DEPDC5: variants seen among roughly 807,000 people sequenced by gnomAD.
DEPDC5 encodes the protein GATOR1 complex protein DEPDC5.
In DEPDC5, 73 loss-of-function variants were observed where a neutral mutation model predicts 217.3. The observed-to-expected ratio is 0.34, with a 90% confidence interval of 0.28 to 0.41. The LOEUF is 0.41. Among genes scored for constraint, DEPDC5 ranks in the 10% least tolerant of loss-of-function variants. The pLI, the probability that DEPDC5 is intolerant of heterozygous loss-of-function variation, is 1.00. For missense variants in DEPDC5, 1,675 were observed against 2,070.1 expected, an observed-to-expected ratio of 0.81 and a Z score of 3.70; for synonymous variants, 733 against 756.7, an observed-to-expected ratio of 0.97 and a Z score of 0.51.
chr22:31,873,861 C>T, intron 35 of DEPDC5: 1 of 204,914 alleles, frequency 4.9e-6, no homozygotes, highest in Non-Finnish European at 9.6e-6. Flanking sequence ...GGCACGATCT[C>T]AGCTCACTGC....
intron 3 of DEPDC5, 93 bp downstream of exon 3, chr22:31,758,726 A>C: frequency 8.3e-7 from 1 of 1,211,126 alleles, no homozygotes; most frequent in South Asian, 1.2e-5. Context: ...CAAAATGCTC[A>C]TGCTGTGATG....
chr22:31,793,180 T>G (rs1051109430), intron 12 of DEPDC5, among the ~76,000 whole-genome samples: 2 of 152,214 alleles, frequency 1.3e-5, no homozygotes, highest in Admixed American at 1.3e-4. Flanking sequence ...TGGTCTTTGC[T>G]CTGTTTCCTC....
At chr22:31,834,338 TG>T (rs2090831668) in intron 25 of DEPDC5, 1 of 233,358 alleles carries the variant, frequency 4.3e-6, no homozygotes, top group Non-Finnish European at 8.5e-6. Flanking sequence ...ATCATTTACC[TG>T]CCTGTAGTTG....
intron 34 of DEPDC5, among the ~76,000 whole-genome samples, chr22:31,872,768 A>T (rs2092882497): frequency 6.6e-6 from 1 of 151,834 alleles, no homozygotes; most frequent in African/African-American, 2.4e-5. Flanking sequence ...TTATTTATTT[A>T]TTTGAGACAG....
At chr22:31,820,320 C>A (rs2089563074) in intron 22 of DEPDC5, among the ~76,000 whole-genome samples, 1 of 152,178 alleles carries the variant, frequency 6.6e-6, no homozygotes, top group Non-Finnish European at 1.5e-5. Flanking sequence ...CCATGTTGGT[C>A]AGGCTGGTCT....
At chr22:31,761,692 G>A (rs1424306841) in intron 4 of DEPDC5, among the ~76,000 whole-genome samples, 4 of 150,302 alleles carry the variant, frequency 2.7e-5, no homozygotes, top group Admixed American at 6.6e-5. Flanking sequence ...AATAGGCCAG[G>A]CACGGTGGCT....
chr22:31,904,122 A>C (rs1008770633), intron 41 of DEPDC5, among the ~76,000 whole-genome samples: 2 of 151,238 alleles, frequency 1.3e-5, no homozygotes, highest in Non-Finnish European at 2.9e-5. Flanking sequence ...TGTGACCTAC[A>C]GCTCCTCCTT....
intron 24 of DEPDC5, among the ~76,000 whole-genome samples, chr22:31,829,030 C>T (rs1189920980): frequency 6.6e-6 from 1 of 152,194 alleles, no homozygotes; most frequent in Non-Finnish European, 1.5e-5. Flanking sequence ...ATTCCCCCTG[C>T]CCCTCACTGG....
intron 22 of DEPDC5, 87 bp from the exon 23 acceptor site, chr22:31,821,415 G>A: frequency 6.4e-7 from 1 of 1,554,898 alleles, no homozygotes; most frequent in Non-Finnish European, 8.8e-7. Flanking sequence ...CTGTATCCCA[G>A]TAGCTGGAAA....
intron 33 of DEPDC5, among the ~76,000 whole-genome samples, chr22:31,867,413 G>A (rs1413029223): frequency 6.6e-6 from 1 of 152,208 alleles, no homozygotes; most frequent in East Asian, 1.9e-4. Flanking sequence ...AAGACTCATA[G>A]TGGTTATAAA....
intron 21 of DEPDC5, 132 bp from the exon 22 acceptor site, chr22:31,818,890 T>C (rs1322264244): frequency 3.5e-6 from 3 of 851,334 alleles, no homozygotes; most frequent in Non-Finnish European, 5.7e-6. Context: ...ACAGTTTTGC[T>C]CATTTCTCTC....
intron 33 of DEPDC5, among the ~76,000 whole-genome samples, chr22:31,868,628 T>A (rs1272540326): frequency 6.6e-6 from 1 of 152,162 alleles, no homozygotes; most frequent in African/African-American, 2.4e-5. Flanking sequence ...GGTTTCACCG[T>A]GTTGCCTAGG....
chr22:31,755,018 C>G, intron 2 of DEPDC5, 39 bp downstream of exon 2: 1 of 1,612,894 alleles, frequency 6.2e-7, no homozygotes, highest in Non-Finnish European at 8.5e-7. Context: ...TGTAAGTTGG[C>G]TGAGGTTCTG....
Position 31,795,093 on chromosome 22 carries a change from T to G in DEPDC5, c.767+2276T>G, listed in dbSNP as rs559248094. Among the ~76,000 whole-genome samples, 16 of 136,628 alleles carry G rather than the reference T, an allele frequency of 1.2e-4. 1 individual carries two copies. The South Asian group carries it at 3.7e-3, about 32-fold the overall frequency. 89.6% of individuals were successfully genotyped at this position (136,628 alleles called of 152,430 possible). A position where few individuals can be genotyped will look rare whatever the true frequency, so the allele number is the denominator to read the frequency against. ...TTTTTTTTTTTTTTTTTTTTTGAGA[T>G]GGAGTATCACTCTGTTGCCCAGGCT... On this transcript the variant is annotated intron_variant, in intron 12 of 42. Transcript: ENST00000651528.
chr22:31,901,859 G>A, intron 41 of DEPDC5, 57 bp downstream of exon 41: 5 of 1,541,352 alleles, frequency 3.2e-6, no homozygotes, highest in Non-Finnish European at 4.5e-6. Flanking sequence ...ATCTTGAATA[G>A]CAGTTACCAA....
intron 38 of DEPDC5, among the ~76,000 whole-genome samples, chr22:31,886,231 C>A (rs1484307469): frequency 1.3e-5 from 2 of 151,986 alleles, no homozygotes; most frequent in African/African-American, 4.8e-5. Context: ...TCTGTGTTGC[C>A]CAGGCTGGTC....
chr22:31,884,093 C>T lies in DEPDC5; in HGVS notation c.4033+4341C>T, dbSNP rs1273299450. 7.2e-5 allele frequency among the ~76,000 whole-genome samples: 11 copies of T among 152,136 alleles called. 1 individual carries two copies. Among genetic ancestry groups the T allele is most frequent in the African/African-American group, 2.7e-4 (11 of 41,398 alleles). ...AACCTCATTACACAGCTTTGAGCCC[C>T]GCTCCCCACCCTCATCATCAGCATC... On this transcript the variant is annotated intron_variant, in intron 38 of 42. Transcript: ENST00000651528.
At chr22:31,804,702 A>G in intron 16 of DEPDC5, 140 bp from the exon 17 acceptor site, 1 of 778,542 alleles carries the variant, frequency 1.3e-6, no homozygotes. Flanking sequence ...GGCCTCCCAA[A>G]TTGCTGGGAT....
rs66813737 is a variant in DEPDC5, at chr22:31,902,408, T to TTATATATATA, written c.4436+625_4436+634dup. 9.9e-3 allele frequency among the ~76,000 whole-genome samples: 1,109 copies of TTATATATATA among 111,796 alleles called. 15 individuals carry two copies. Among genetic ancestry groups the TTATATATATA allele is most frequent in the South Asian group, 0.018 (61 of 3,468 alleles). 73.3% of individuals were successfully genotyped at this position (111,796 alleles called of 152,430 possible). On this transcript the variant is annotated intron_variant, in intron 41 of 42. Transcript: ENST00000651528. ...TCTCCAGTATCCTGTCATCTCCTTA[T>TTATATATATA]TATATATATATATATATATATATAT...
Sources: allele counts gnomAD v4.1 joint callset (sites outside exome capture counted in the v4.1 genomes callset), GRCh38; gene constraint gnomAD v4.1.1; transcripts MANE v1.5; gene names NCBI Gene and HGNC (gene_info 2026-07-23, HGNC 2026-07-21).